The following DARS2 variants were observed in gnomAD, a reference collection of about 807,000 sequenced individuals.
The protein encoded by DARS2 is aspartyl-tRNA synthetase 2, mitochondrial, also known as aspartate--tRNA ligase, mitochondrial.
Under a neutral mutation model 83.0 loss-of-function variants are expected in DARS2, and 63 were observed. The ratio of observed to expected loss-of-function variants is 0.76; its 90% CI spans 0.62 to 0.94. The LOEUF (loss-of-function observed/expected upper bound fraction) is 0.94. Ranked by LOEUF, DARS2 falls within the 40% of genes least tolerant of loss-of-function variation. The probability of loss-of-function intolerance (pLI) is 0.00; values close to 1 mark genes in which losing one functional copy is unlikely to be tolerated. For synonymous variants in DARS2, 250 were observed against 269.3 expected (o/e 0.93, Z 0.70); for missense variants, 675 against 774.4 (o/e 0.87, Z 1.52).
In DARS2 at chr1:173,857,870, AC is replaced by A; in HGVS notation, c.*168del. On this transcript the variant is annotated 3_prime_UTR_variant, in exon 17 of 17. Transcript: ENST00000649689. ...CACAACGAAGAAACAGATAAAAGAT[AC>A]CCAATTTTGACTTGATTTCATGCAT... is the stretch of plus-strand genomic sequence containing the variant. The A allele has an allele frequency of 1.3e-6, 1 of 774,080 alleles. No individual in the cohort carries two copies. The highest frequency in any genetic ancestry group is 1.7e-5 in the South Asian group (1 of 59,604). 48.0% of individuals were successfully genotyped at this position (774,080 alleles called of 1,614,324 possible). A position where few individuals can be genotyped will look rare whatever the true frequency, so the allele number is the denominator to read the frequency against.
intron 9 of DARS2, 67 bp from the exon 10 acceptor site, chr1:173,839,300 G>A: frequency 6.9e-7 from 1 of 1,453,994 alleles, no homozygotes; most frequent in Non-Finnish European, 9.6e-7. Context: ...TAACTTGAAA[G>A]CAGAAAAATA....
intron 7 of DARS2, among the ~76,000 whole-genome samples, chr1:173,834,782 G>GTTTTTTTTTTTTTTT (rs558344998): frequency 1.5e-4 from 4 of 26,756 alleles, no homozygotes; most frequent in Non-Finnish European, 2.5e-4. Flanking sequence ...TTTTTTTTTT[G>GTTTTTTTTTTTTTTT]TTTTTTTTTT....
At chr1:173,853,742 A>G in intron 14 of DARS2, 53 bp from the exon 15 acceptor site, 5 of 1,560,560 alleles carry the variant, frequency 3.2e-6, no homozygotes, top group Non-Finnish European at 4.4e-6. Context: ...TTCAACCCGT[A>G]GAACAGAAAA....
At chr1:173,847,875 G>A (rs766670972) in intron 12 of DARS2, among the ~76,000 whole-genome samples, 4 of 132,194 alleles carry the variant, frequency 3.0e-5, no homozygotes, top group Non-Finnish European at 4.7e-5. Context: ...TTTTTGAGAC[G>A]GGAGTCTCAC....
chr1:173,837,368 A>G (rs1380731509), intron 8 of DARS2, among the ~76,000 whole-genome samples: 4 of 152,208 alleles, frequency 2.6e-5, no homozygotes, highest in Non-Finnish European at 5.9e-5. Context: ...ATATAAACCA[A>G]ATGTAAATGT....
At chr1:173,843,976 C>T (rs903865181) in intron 11 of DARS2, among the ~76,000 whole-genome samples, 2 of 152,068 alleles carry the variant, frequency 1.3e-5, no homozygotes, top group Non-Finnish European at 2.9e-5. Flanking sequence ...TTTTGAAGTC[C>T]AGTAGTTGAG....
rs564295991 is a variant in DARS2 at position 173,839,550 on chromosome 1, C to T, written c.1020+4C>T. ...TGACACTCGCTTTGGAATGAAGGTACTTATCTTCACTTTTCTAGGACTCTG... is the reference window on the plus strand; with the variant it reads ...TGACACTCGCTTTGGAATGAAGGTATTTATCTTCACTTTTCTAGGACTCTG... On this transcript the variant is annotated splice_donor_region_variant and intron_variant, in intron 10 of 16. Coordinates refer to ENST00000649689, the MANE Select transcript of DARS2 (RefSeq NM_018122.5). 4 of 1,612,964 alleles carry T rather than the reference C, an allele frequency of 2.5e-6. No homozygotes were observed. Among genetic ancestry groups the T allele is most frequent in the East Asian group, 2.2e-5 (1 of 44,856 alleles).
intron 9 of DARS2, 86 bp downstream of exon 9, chr1:173,838,345 T>A (rs1173506969): frequency 7.8e-6 from 7 of 897,356 alleles, no homozygotes; most frequent in Non-Finnish European, 1.1e-5. Flanking sequence ...TATTAATACT[T>A]TACTTCTCAT....
intron 15 of DARS2, among the ~76,000 whole-genome samples, 167 bp downstream of exon 15, chr1:173,854,072 C>T (rs1653775780): frequency 6.6e-6 from 1 of 152,158 alleles, no homozygotes; most frequent in Non-Finnish European, 1.5e-5. Context: ...GTCTCCTGTG[C>T]TTAAGCCATC....
chr1:173,836,873 G>A, intron 7 of DARS2, 67 bp from the exon 8 acceptor site: 1 of 1,318,234 alleles, frequency 7.6e-7, no homozygotes, highest in Non-Finnish European at 1.1e-6. Flanking sequence ...CTACTAGTTA[G>A]TTATACTTTG....
Position 173,857,728 on chromosome 1 carries a change from T to C in DARS2, c.*23T>C, listed in dbSNP as rs1412846820. ...TGAATCATGCATACCATGCAGAAAG[T>C]TGAGCTTTTAGGTTTTGTCCTCTTT... On this transcript the variant is annotated 3_prime_UTR_variant, in exon 17 of 17. Transcript: ENST00000649689. The C allele has an allele frequency of 1.2e-6, 2 of 1,614,000 alleles. No homozygotes were observed. The highest frequency in any genetic ancestry group is 1.7e-6 in the Non-Finnish European group (2 of 1,179,892).
Position 173,857,750 on chromosome 1 carries a change from C to T in DARS2, c.*45C>T, listed in dbSNP as rs1653907005. The T allele has an allele frequency of 1.9e-6, 3 of 1,605,836 alleles. No individual in the cohort carries two copies. Among genetic ancestry groups the T allele is most frequent in the East Asian group, 4.5e-5 (2 of 44,828 alleles). ...AAGTTGAGCTTTTAGGTTTTGTCCT[C>T]TTTGCTTCCCCAAGGCTAAAGTCAG... On this transcript the variant is annotated 3_prime_UTR_variant, in exon 17 of 17. Coordinates refer to ENST00000649689, the MANE Select transcript of DARS2 (RefSeq NM_018122.5).
At chr1:173,831,659 A>G in intron 5 of DARS2, 29 bp downstream of exon 5, 1 of 1,535,648 alleles carries the variant, frequency 6.5e-7, no homozygotes, top group Non-Finnish European at 9.0e-7. Flanking sequence ...AATAAAATAG[A>G]GTATCTAGAA....
intron 15 of DARS2, among the ~76,000 whole-genome samples, chr1:173,855,351 C>T (rs1653821578): frequency 6.6e-6 from 1 of 152,220 alleles, no homozygotes. Flanking sequence ...ATCCACCCGC[C>T]TTGGCCTCCC....
chr1:173,838,805 A>G (rs1257844129), intron 9 of DARS2, among the ~76,000 whole-genome samples: 2 of 152,062 alleles, frequency 1.3e-5, no homozygotes, highest in Non-Finnish European at 2.9e-5. Context: ...GCGCGGTCTC[A>G]GCTCATTGCT....
chr1:173,826,818 G>T, intron 2 of DARS2, 32 bp downstream of exon 2: 1 of 1,504,110 alleles, frequency 6.6e-7, no homozygotes, highest in Non-Finnish European at 9.3e-7. Flanking sequence ...AAGAATGCAT[G>T]GTGGTGGTTT....
chr1:173,853,760 T>G (rs1488889431), intron 14 of DARS2, 35 bp from the exon 15 acceptor site: 2 of 1,593,552 alleles, frequency 1.3e-6, no homozygotes, highest in East Asian at 2.2e-5. Flanking sequence ...AAACCAGACA[T>G]TTTCTCTAAC....
chr1:173,853,316 A>G, intron 13 of DARS2, 33 bp from the exon 14 acceptor site: 1 of 1,597,248 alleles, frequency 6.3e-7, no homozygotes, highest in Non-Finnish European at 8.6e-7. Flanking sequence ...TCTGTCAAGA[A>G]GTTAACTCAA....
At chr1:173,839,325 T>G (rs1463044262) in intron 9 of DARS2, 42 bp from the exon 10 acceptor site, 1 of 1,573,622 alleles carries the variant, frequency 6.4e-7, no homozygotes, top group Non-Finnish European at 8.7e-7. Flanking sequence ...AATGTGTATA[T>G]ATTGTGGCTA....
Sources: gnomAD v4.1 joint callset for allele counts (sites outside exome capture counted in the v4.1 genomes callset) on GRCh38, gnomAD v4.1.1 for gene constraint, MANE v1.5 for transcripts, NCBI Gene and HGNC (gene_info 2026-07-23, HGNC 2026-07-21) for gene names.